Variants in SNX7 observed in about 807,000 individuals in gnomAD.
SNX7 encodes the protein sorting nexin 7, also known as sorting nexin-7.
Under a neutral mutation model 48.4 loss-of-function variants are expected in SNX7, and 35 were observed. The observed-to-expected ratio is 0.72, with a 90% CI of 0.55 to 0.96. The LOEUF is 0.96. Among genes scored for constraint, SNX7 ranks in the 40% least tolerant of loss-of-function variants. The probability of loss-of-function intolerance (pLI) is 0.00; values close to 1 mark genes in which losing one functional copy is unlikely to be tolerated. For synonymous variants in SNX7, 190 were observed against 190.2 expected, an observed-to-expected ratio of 1.00 and a Z score of 0.01; for missense variants, 553 against 548.9, an observed-to-expected ratio of 1.01 and a Z score of -0.07.
intron 1 of SNX7, among the ~76,000 whole-genome samples, chr1:98,665,853 G>C (rs1481950446): frequency 6.6e-6 from 1 of 152,178 alleles, no homozygotes; most frequent in Non-Finnish European, 1.5e-5. Flanking sequence ...GCCTCCCAAA[G>C]TGCAGGGATT....
chr1:98,691,537 A>T lies in SNX7; in HGVS notation c.477A>T (p.Pro159=). The T allele has an allele frequency of 6.4e-7, 1 of 1,572,920 alleles. No homozygotes were observed. The highest frequency in any genetic ancestry group is 8.6e-7 in the Non-Finnish European group (1 of 1,163,650). Residue 159 remains proline (P), a splice_region_variant and synonymous_variant, in exon 4 of 9, where the codon CCA becomes CCT. Transcript: ENST00000306121. ...CTTTTTAATTTTTTTTGCCTTAGCC[A>T]TTGCCAGAAAAGTTTATAGTAAAAG... ...EEAHPTLIIP[P]LPEKFIVKGM...
chr1:98,688,826 C>A (rs1406786768), intron 2 of SNX7, among the ~76,000 whole-genome samples: 1 of 152,160 alleles, frequency 6.6e-6, no homozygotes, highest in Non-Finnish European at 1.5e-5. Context: ...CATGATATTT[C>A]TAAGTTGGAT....
intron 1 of SNX7, among the ~76,000 whole-genome samples, chr1:98,664,189 C>A (rs2100897020): frequency 6.6e-6 from 1 of 152,242 alleles, no homozygotes; most frequent in East Asian, 1.9e-4. Context: ...TTACATTCAC[C>A]TTTATAGTCC....
chr1:98,721,101 T>C lies in SNX7; in HGVS notation c.1126-17136T>C, dbSNP rs577879726. Among the ~76,000 whole-genome samples, 35 of 141,772 alleles carry C rather than the reference T, an allele frequency of 2.5e-4. 1 individual carries two copies. Among genetic ancestry groups the C allele is most frequent in the African/African-American group, 8.4e-4 (33 of 39,162 alleles). The allele number at this position is 141,772 out of a possible 152,430, so 93.0% of individuals were successfully genotyped here. On this transcript the variant is annotated intron_variant, in intron 7 of 8. Coordinates refer to ENST00000306121, the MANE Select transcript of SNX7 (RefSeq NM_015976.5). ...ATTATTTACTTGCACCTCAAGTTTG[T>C]GTTCCCAATGCATTTCTCCAAAACC... is the stretch of plus-strand genomic sequence containing the variant.
intron 1 of SNX7, among the ~76,000 whole-genome samples, chr1:98,667,468 C>T (rs1649596161): frequency 6.6e-6 from 1 of 152,088 alleles, no homozygotes. Flanking sequence ...CTCCACCTCC[C>T]AAGGCTCAAG....
chr1:98,718,242 G>A (rs534770891), intron 7 of SNX7, among the ~76,000 whole-genome samples: 38 of 152,172 alleles, frequency 2.5e-4, no homozygotes, highest in South Asian at 1.5e-3. Context: ...ACACATGAAT[G>A]TGTGGTTTTT....
chr1:98,748,934 T>C (rs1654442280), intron 8 of SNX7, among the ~76,000 whole-genome samples: 1 of 152,146 alleles, frequency 6.6e-6, no homozygotes, highest in Non-Finnish European at 1.5e-5. Context: ...ACATCATAGT[T>C]GCACCTTAAT....
intron 1 of SNX7, among the ~76,000 whole-genome samples, chr1:98,672,452 A>G (rs1649921736): frequency 6.7e-6 from 1 of 149,118 alleles, no homozygotes; most frequent in Admixed American, 6.8e-5. Flanking sequence ...TGGCCAGGAG[A>G]TGTAATCCGC....
At chr1:98,731,757 A>G (rs932300355) in intron 7 of SNX7, among the ~76,000 whole-genome samples, 1 of 152,098 alleles carries the variant, frequency 6.6e-6, no homozygotes, top group Non-Finnish European at 1.5e-5. Flanking sequence ...AGACATAGAA[A>G]AAGTACAGTA....
chr1:98,759,100 A>G (rs1012356772), intron 8 of SNX7, among the ~76,000 whole-genome samples: 10 of 152,078 alleles, frequency 6.6e-5, no homozygotes, highest in African/African-American at 2.2e-4. Context: ...TGAAAGCATT[A>G]GAGGCAGAAG....
chr1:98,674,944 G>C (rs150855394), intron 1 of SNX7, among the ~76,000 whole-genome samples: 2 of 152,104 alleles, frequency 1.3e-5, no homozygotes, highest in African/African-American at 2.4e-5. Flanking sequence ...AGGAGTAAAC[G>C]TGATTTAAGA....
At chr1:98,674,919 C>T (rs1650075922) in intron 1 of SNX7, among the ~76,000 whole-genome samples, 1 of 152,136 alleles carries the variant, frequency 6.6e-6, no homozygotes, top group Non-Finnish European at 1.5e-5. Context: ...TGTGCATTTT[C>T]ACTGTTCTAG....
chr1:98,730,204 C>T (rs1278283215), intron 7 of SNX7, among the ~76,000 whole-genome samples: 1 of 150,638 alleles, frequency 6.6e-6, no homozygotes, highest in Non-Finnish European at 1.5e-5. Flanking sequence ...CGATAAAATT[C>T]AACATCCCTT....
intron 8 of SNX7, among the ~76,000 whole-genome samples, chr1:98,755,018 A>G (rs1204691344): frequency 1.3e-5 from 2 of 152,048 alleles, no homozygotes; most frequent in African/African-American, 4.8e-5. Context: ...CATTCAGTTC[A>G]AAACTCTTTC....
At chr1:98,686,652 T>C (rs1011444775) in intron 2 of SNX7, among the ~76,000 whole-genome samples, 1 of 152,078 alleles carries the variant, frequency 6.6e-6, no homozygotes, top group Admixed American at 6.6e-5. Flanking sequence ...CAACATGGAG[T>C]TGAATCTTGA....
chr1:98,693,916 C>G (rs543614417), intron 4 of SNX7, among the ~76,000 whole-genome samples: 68 of 152,160 alleles, frequency 4.5e-4, no homozygotes, highest in African/African-American at 1.6e-3. Flanking sequence ...TATTAAAATC[C>G]CTTGTCCTTT....
intron 8 of SNX7, among the ~76,000 whole-genome samples, chr1:98,754,666 C>G (rs1433772734): frequency 6.6e-6 from 1 of 151,968 alleles, no homozygotes; most frequent in East Asian, 1.9e-4. Context: ...TTAACTCTCT[C>G]ATTCCTGACC....
Position 98,695,690 on chromosome 1 carries a change from C to T in SNX7, c.812C>T (p.Ser271Phe). 1 of 1,581,134 alleles carries T rather than the reference C, an allele frequency of 6.3e-7. No homozygotes were observed. ...SQKINLIDKISQRIYKEEREY... is the reference protein window; with the variant it reads ...SQKINLIDKIFQRIYKEEREY... ...AAAATAAATTTGATAGATAAAATAT[C>T]TCAGAGAATTTATAAGGAAGAAAGG... Residue 271 changes from serine (S) to phenylalanine (F), a missense_variant, in exon 5 of 9, where the codon TCT (serine) becomes TTT (phenylalanine). By Grantham distance (155) the Ser-to-Phe change is radical (BLOSUM62 -2). Coordinates refer to ENST00000306121, the MANE Select transcript of SNX7 (RefSeq NM_015976.5).
intron 2 of SNX7, among the ~76,000 whole-genome samples, chr1:98,685,963 T>A (rs1410145011): frequency 1.2e-4 from 18 of 152,172 alleles, no homozygotes; most frequent in Admixed American, 1.2e-3. Flanking sequence ...TGGTGCCCAC[T>A]TACCATATAA....
Sources: allele counts gnomAD v4.1 joint callset (sites outside exome capture counted in the v4.1 genomes callset), GRCh38; gene constraint gnomAD v4.1.1; transcripts MANE v1.5; gene names NCBI Gene and HGNC (gene_info 2026-07-23, HGNC 2026-07-21).